YWHAQ: variants seen among roughly 807,000 people sequenced by gnomAD.
The protein encoded by YWHAQ is tyrosine 3-monooxygenase/tryptophan 5-monooxygenase activation protein theta.
YWHAQ carries 6 observed loss-of-function variants against 28.3 expected under a neutral mutation model. The observed-to-expected ratio is 0.21, with a 90% CI of 0.12 to 0.42. The LOEUF (loss-of-function observed/expected upper bound fraction) is 0.42, where lower values mean the gene tolerates loss of function less well. Among genes scored for constraint, YWHAQ ranks in the 10% least tolerant of loss-of-function variants. YWHAQ has a pLI of 1.00. For missense variants in YWHAQ, 201 were observed against 305.6 expected (o/e 0.66, Z 2.55); for synonymous variants, 143 against 119.1 (o/e 1.20, Z -1.31).
chr2:9,630,137 G>A lies in YWHAQ; in HGVS notation c.294+22C>T, dbSNP rs368512939. The A allele has an allele frequency of 6.3e-7, 1 of 1,599,646 alleles. No individual in the cohort carries two copies. Among genetic ancestry groups the A allele is most frequent in the South Asian group, 1.1e-5 (1 of 90,666 alleles). On this transcript the variant is annotated intron_variant, in intron 2 of 5. Transcript: ENST00000238081. The surrounding 1 kb of genome is among the most constrained non-coding windows in gnomAD (Gnocchi z 5.6). The stretch of plus-strand genomic sequence containing the variant: ...AAGCATCTCACAAAAGGCCTCCCCT[G>A]CTCCCCGCGCCGAGGACTCACCAGC...
Position 9,605,140 on chromosome 2 carries a change from C to CTTTTT in YWHAQ, c.295-13630_295-13626dup, listed in dbSNP as rs35332379. On this transcript the variant is annotated intron_variant, in intron 2 of 5. Coordinates refer to ENST00000238081, the MANE Select transcript of YWHAQ (RefSeq NM_006826.4). ...TGATAGTTTCCCCATTCTGTTCTCT[C>CTTTTT]TTTTTTTTTTTTTTTTGAGACAGGG... 5.1e-4 allele frequency among the ~76,000 whole-genome samples: 70 copies of CTTTTT among 138,418 alleles called. 5 individuals are homozygous for CTTTTT. Among genetic ancestry groups the CTTTTT allele is most frequent in the African/African-American group, 1.3e-3 (49 of 37,248 alleles). The allele number at this position is 138,418 out of a possible 152,430, so 90.8% of individuals were successfully genotyped here.
At chr2:9,593,921 T>TACAC (rs148503227) in intron 2 of YWHAQ, among the ~76,000 whole-genome samples, 1,750 of 128,232 alleles carry the variant, frequency 0.014, 24 homozygotes, top group African/African-American at 0.055. Context: ...TATATATATA[T>TACAC]ATACACACAC....
At chr2:9,593,054 A>T (rs769912461) in intron 2 of YWHAQ, among the ~76,000 whole-genome samples, 6 of 152,194 alleles carry the variant, frequency 3.9e-5, no homozygotes, top group Admixed American at 6.5e-5. Flanking sequence ...ATAAAATACC[A>T]TCCATGATAC....
At chr2:9,588,036 A>G in intron 4 of YWHAQ, 129 bp downstream of exon 4, 3 of 1,164,872 alleles carry the variant, frequency 2.6e-6, no homozygotes, top group Non-Finnish European at 3.5e-6. Flanking sequence ...GGGAAGAAAA[A>G]GAGGAGATTT....
rs1248541959 is a variant in YWHAQ, at chr2:9,630,529, C to G, written c.-77G>C. 2 of 1,391,212 alleles carry G rather than the reference C, an allele frequency of 1.4e-6. No individual in the cohort carries two copies. Among genetic ancestry groups the G allele is most frequent in the African/African-American group, 1.4e-5 (1 of 69,340 alleles). The allele number at this position is 1,391,212 out of a possible 1,614,324, so 86.2% of individuals were successfully genotyped here. ...CGCCGACCCGCAGCGGGAGGAGCCT[C>G]GAGAGCTGCGGAGGGGCGGGGCGGC... On this transcript the variant is annotated 5_prime_UTR_variant, in exon 2 of 6. Coordinates refer to ENST00000238081, the MANE Select transcript of YWHAQ (RefSeq NM_006826.4). The surrounding 1 kb of genome is among the most constrained non-coding windows in gnomAD (Gnocchi z 5.6).
At chr2:9,591,103 TA>T (rs1000314017) in intron 3 of YWHAQ, among the ~76,000 whole-genome samples, 7 of 152,294 alleles carry the variant, frequency 4.6e-5, no homozygotes, top group African/African-American at 1.7e-4. Flanking sequence ...GAGCTAAAAA[TA>T]TGGTGAACCA....
At chr2:9,590,873 C>G (rs1009128488) in intron 3 of YWHAQ, among the ~76,000 whole-genome samples, 2 of 152,142 alleles carry the variant, frequency 1.3e-5, no homozygotes, top group African/African-American at 4.8e-5. Context: ...CCAGCAATAA[C>G]ACACTCATTT....
intron 2 of YWHAQ, among the ~76,000 whole-genome samples, chr2:9,594,293 A>C (rs1666524486): frequency 6.6e-6 from 1 of 152,214 alleles, no homozygotes; most frequent in Non-Finnish European, 1.5e-5. Context: ...AGACACTCGA[A>C]TCTTAAAAAA....
At chr2:9,625,219 G>A (rs562858306) in intron 2 of YWHAQ, among the ~76,000 whole-genome samples, 138 of 148,290 alleles carry the variant, frequency 9.3e-4, no homozygotes, top group Non-Finnish European at 1.5e-3. Flanking sequence ...CTGAGATGGC[G>A]CCACTGTACC....
intron 4 of YWHAQ, 43 bp from the exon 5 acceptor site, chr2:9,587,552 A>T (rs780753632): frequency 1.3e-6 from 2 of 1,522,268 alleles, no homozygotes; most frequent in South Asian, 2.5e-5. Flanking sequence ...TGCATTGACG[A>T]AAACTGGTTA....
rs189784947 is a variant in YWHAQ, at chr2:9,610,156, T to G, written c.295-18641A>C. Among the ~76,000 whole-genome samples the G allele has an allele frequency of 4.1e-3, 618 of 152,300 alleles. 8 individuals carry two copies. The highest frequency in any genetic ancestry group is 0.014 in the African/African-American group (586 of 41,564). On this transcript the variant is annotated intron_variant, in intron 2 of 5. Coordinates refer to ENST00000238081, the MANE Select transcript of YWHAQ (RefSeq NM_006826.4). The stretch of plus-strand genomic sequence containing the variant: ...GATTATTTGCTCCAGAAGAAAATGT[T>G]TCACTAGAATAATCAAGGATCCTAA...
At chr2:9,587,876 G>A (rs967619139) in intron 4 of YWHAQ, among the ~76,000 whole-genome samples, 1 of 152,136 alleles carries the variant, frequency 6.6e-6, no homozygotes, top group Non-Finnish European at 1.5e-5. Flanking sequence ...AACCAAACCT[G>A]GCAGGCATGA....
intron 3 of YWHAQ, among the ~76,000 whole-genome samples, chr2:9,588,905 T>C (rs771313180): frequency 1.3e-5 from 2 of 152,078 alleles, no homozygotes; most frequent in African/African-American, 4.8e-5. Flanking sequence ...CCTGAAGAGT[T>C]CAAGACCAGC....
chr2:9,611,586 C>T (rs961634845), intron 2 of YWHAQ, among the ~76,000 whole-genome samples: 1 of 152,224 alleles, frequency 6.6e-6, no homozygotes, highest in Admixed American at 6.5e-5. Context: ...AACACATACA[C>T]ACTCCTAACT....
intron 2 of YWHAQ, among the ~76,000 whole-genome samples, chr2:9,603,573 C>T (rs1435115603): frequency 6.6e-6 from 1 of 151,634 alleles, no homozygotes; most frequent in African/African-American, 2.4e-5. Flanking sequence ...CCATGCCTGG[C>T]TTTCCTTGAT....
rs1342159508 is a variant in YWHAQ at position 9,605,138 on chromosome 2, CTCT to C, written c.295-13626_295-13624del. Among the ~76,000 whole-genome samples the C allele has an allele frequency of 4.3e-4, 42 of 97,472 alleles. 1 individual carries two copies. The South Asian group carries it at 9.1e-3, about 21-fold the overall frequency. The allele number at this position is 97,472 out of a possible 152,430, so 63.9% of individuals were successfully genotyped here. A position where few individuals can be genotyped will look rare whatever the true frequency, so the allele number is the denominator to read the frequency against. On this transcript the variant is annotated intron_variant, in intron 2 of 5. Coordinates refer to ENST00000238081, the MANE Select transcript of YWHAQ (RefSeq NM_006826.4). ...AATGATAGTTTCCCCATTCTGTTCT[CTCT>C]TTTTTTTTTTTTTTTGAGACAGGGT...
intron 2 of YWHAQ, among the ~76,000 whole-genome samples, chr2:9,602,837 AAAAAAAAAAAAAAAAAAAAAAAAAAAT>A (rs1490361145): frequency 2.1e-3 from 49 of 23,816 alleles, no homozygotes; most frequent in African/African-American, 7.0e-3. Context: ...TTTAAAAAAA[AAAAAAAAAAAAAAAAAAAAAAAAAAAT>A]ATATATATAT....
At chr2:9,588,109 C>T (rs1666383030) in intron 4 of YWHAQ, 56 bp downstream of exon 4, 1 of 1,473,708 alleles carries the variant, frequency 6.8e-7, no homozygotes, top group South Asian at 1.5e-5. Context: ...AATTAACATA[C>T]CTGGTATCTC....
intron 5 of YWHAQ, among the ~76,000 whole-genome samples, chr2:9,587,004 C>T (rs1666354994): frequency 6.6e-6 from 1 of 152,170 alleles, no homozygotes; most frequent in Non-Finnish European, 1.5e-5. Context: ...GCTTGTAGAA[C>T]ATCATGCACA....
Sources: gnomAD v4.1 joint callset for allele counts (sites outside exome capture counted in the v4.1 genomes callset) on GRCh38, gnomAD v4.1.1 for gene constraint, Gnocchi (gnomAD v3.1) non-coding constraint, MANE v1.5 for transcripts, NCBI Gene and HGNC (gene_info 2026-07-23, HGNC 2026-07-21) for gene names.